Variants in CTNND2 observed in about 807,000 individuals in gnomAD.
CTNND2 encodes catenin delta-2.
In CTNND2, 22 loss-of-function variants were observed where a neutral mutation model predicts 144.4. That is an observed-to-expected ratio of 0.15 (90% CI 0.11 to 0.22). CTNND2 has a LOEUF of 0.22. CTNND2 is among the 10% of genes least tolerant of loss of function. CTNND2 has a pLI of 1.00. For missense variants in CTNND2, 1,353 were observed against 1,618.8 expected, an observed-to-expected ratio of 0.84 and a Z score of 2.82; for synonymous variants, 751 against 695.6, an observed-to-expected ratio of 1.08 and a Z score of -1.25.
At chr5:11,779,130 A>G (rs1790409747) in intron 1 of CTNND2, among the ~76,000 whole-genome samples, 2 of 152,194 alleles carry the variant, frequency 1.3e-5, no homozygotes, top group East Asian at 1.9e-4. Flanking sequence ...TGTATCCGCC[A>G]TATGTTCTTG....
chr5:11,687,098 T>C (rs1784688616), intron 2 of CTNND2, among the ~76,000 whole-genome samples: 1 of 152,172 alleles, frequency 6.6e-6, no homozygotes, highest in Non-Finnish European at 1.5e-5. Context: ...GTTAAGTTCT[T>C]TGTCAATTTG....
intron 2 of CTNND2, among the ~76,000 whole-genome samples, chr5:11,679,857 G>C (rs1784347129): frequency 1.3e-5 from 2 of 152,188 alleles, no homozygotes. Flanking sequence ...ACCTCATGGA[G>C]GCGGCATCCC....
chr5:11,169,293 C>G (rs1484616318), intron 11 of CTNND2, among the ~76,000 whole-genome samples: 1 of 152,198 alleles, frequency 6.6e-6, no homozygotes, highest in Non-Finnish European at 1.5e-5. Flanking sequence ...AGGGAGGATA[C>G]TTACTGCAGT....
rs549365215 is a variant in CTNND2 at position 11,497,700 on chromosome 5, G to A, written c.287+67244C>T. 1.1e-4 allele frequency among the ~76,000 whole-genome samples: 17 copies of A among 152,116 alleles called. No homozygotes were observed. In the South Asian group the frequency reaches 1.7e-3, roughly 15 times the overall value. On this transcript the variant is annotated intron_variant, in intron 3 of 21. Transcript: ENST00000304623. The stretch of plus-strand genomic sequence containing the variant: ...TGACTTGTGTGTGTGAATCATCCAC[G>A]AATCTAGTGTGTATAAGTCAGAAAT...
chr5:11,564,894 C>G, intron 3 of CTNND2, 50 bp downstream of exon 3: 3 of 1,270,078 alleles, frequency 2.4e-6, no homozygotes, highest in Non-Finnish European at 3.4e-6. Context: ...TCACGATTTA[C>G]TTGCAGGGGC....
At chr5:11,287,417 T>C (rs1747864836) in intron 9 of CTNND2, among the ~76,000 whole-genome samples, 1 of 152,228 alleles carries the variant, frequency 6.6e-6, no homozygotes, top group African/African-American at 2.4e-5. Context: ...AAGCCTCCAC[T>C]ATTGCAGAGG....
chr5:11,081,288 T>C (rs906310606), intron 16 of CTNND2, among the ~76,000 whole-genome samples: 5 of 152,212 alleles, frequency 3.3e-5, no homozygotes, highest in African/African-American at 1.2e-4. Flanking sequence ...ATGTATTTTA[T>C]ATTTCAAAAT....
rs189035173 is a variant in CTNND2, at chr5:11,812,226, C to T, written c.38-79954G>A. Among the ~76,000 whole-genome samples the T allele has an allele frequency of 6.6e-5, 10 of 152,280 alleles. No individual in the cohort carries two copies. In the South Asian group the frequency reaches 1.2e-3, roughly 19 times the overall value. On this transcript the variant is annotated intron_variant, in intron 1 of 21. Coordinates refer to ENST00000304623, the MANE Select transcript of CTNND2 (RefSeq NM_001332.4). ...CAAAGCAGAGACAGTGAATAGCAAT[C>T]GCTGGGAGAGGTACTGCTTTTTCTT...
chr5:11,521,787 G>A (rs1027783799), intron 3 of CTNND2, among the ~76,000 whole-genome samples: 14 of 152,268 alleles, frequency 9.2e-5, no homozygotes, highest in African/African-American at 2.9e-4. Flanking sequence ...ATCGATGCTC[G>A]TTGAGTGAAT....
intron 3 of CTNND2, among the ~76,000 whole-genome samples, chr5:11,551,048 G>A (rs971835431): frequency 6.6e-6 from 1 of 152,080 alleles, no homozygotes; most frequent in African/African-American, 2.4e-5. Flanking sequence ...CCTCTCTAAC[G>A]TGCACTGTGG....
intron 18 of CTNND2, among the ~76,000 whole-genome samples, chr5:11,004,215 C>G (rs1740245511): frequency 6.6e-6 from 1 of 152,194 alleles, no homozygotes; most frequent in Non-Finnish European, 1.5e-5. Context: ...GCTTTTGAGG[C>G]CTTAAAACAA....
At chr5:11,323,931 G>A (rs1390097247) in intron 9 of CTNND2, among the ~76,000 whole-genome samples, 1 of 152,050 alleles carries the variant, frequency 6.6e-6, no homozygotes, top group Non-Finnish European at 1.5e-5. Context: ...AATCACCCTT[G>A]CTTTAAGGAA....
rs1429246839 is a variant in CTNND2, at chr5:11,869,532, TAA to T, written c.37+34283_37+34284del. Among the ~76,000 whole-genome samples, 5 of 152,290 alleles carry T rather than the reference TAA, an allele frequency of 3.3e-5. No individual in the cohort carries two copies. The East Asian group carries it at 5.8e-4, about 18-fold the overall frequency. On this transcript the variant is annotated intron_variant, in intron 1 of 21. Coordinates refer to ENST00000304623, the MANE Select transcript of CTNND2 (RefSeq NM_001332.4). ...GAAGTACCAAGAATAGCCAAATTCA[TAA>T]AGACAGGAAGTAGACTGATGTTGGC...
intron 2 of CTNND2, among the ~76,000 whole-genome samples, chr5:11,705,088 G>A (rs1785630802): frequency 6.6e-6 from 1 of 152,040 alleles, no homozygotes; most frequent in Non-Finnish European, 1.5e-5. Flanking sequence ...AGAAAAAATA[G>A]CCACAAGCTT....
chr5:11,080,338 G>C (rs1561271367), intron 16 of CTNND2, among the ~76,000 whole-genome samples: 1 of 152,188 alleles, frequency 6.6e-6, no homozygotes, highest in South Asian at 2.1e-4. Flanking sequence ...TGCAGAGAAA[G>C]AGAAACCCTT....
chr5:11,464,856 T>C (rs765896760), intron 3 of CTNND2, among the ~76,000 whole-genome samples: 1 of 152,202 alleles, frequency 6.6e-6, no homozygotes, highest in Non-Finnish European at 1.5e-5. Flanking sequence ...TCTAGGAATA[T>C]ACCATGATGG....
At chr5:11,078,139 C>G (rs2149625995) in intron 16 of CTNND2, among the ~76,000 whole-genome samples, 1 of 152,260 alleles carries the variant, frequency 6.6e-6, no homozygotes, top group East Asian at 1.9e-4. Flanking sequence ...TATGATGTCA[C>G]CCTAGCCTTC....
intron 1 of CTNND2, among the ~76,000 whole-genome samples, chr5:11,747,919 G>C (rs1788400919): frequency 6.6e-6 from 1 of 152,026 alleles, no homozygotes; most frequent in South Asian, 2.1e-4. Context: ...TTGCAAATAT[G>C]TATCTGCCAC....
In CTNND2 at chr5:10,988,102, G is replaced by A; in HGVS notation, c.3343+9C>T. ...AAGTTCCAGGAGGGGGCGCGCGAGG[G>A]GCGCTCACCTGTCATGGCATCTTTC... On this transcript the variant is annotated intron_variant, in intron 20 of 21. Coordinates refer to ENST00000304623, the MANE Select transcript of CTNND2 (RefSeq NM_001332.4). This position sits in a 1 kb window ranked among gnomAD's most constrained non-coding sequence, Gnocchi z 5.9. The A allele has an allele frequency of 6.2e-7, 1 of 1,613,982 alleles. No homozygotes were observed. The highest frequency in any genetic ancestry group is 8.5e-7 in the Non-Finnish European group (1 of 1,179,962).
Sources: allele counts gnomAD v4.1 joint callset (sites outside exome capture counted in the v4.1 genomes callset), GRCh38; gene constraint gnomAD v4.1.1; non-coding constraint Gnocchi (gnomAD v3.1); transcripts MANE v1.5; gene names NCBI Gene and HGNC (gene_info 2026-07-23, HGNC 2026-07-21).